SLCO4A1: variants seen among roughly 807,000 people sequenced by gnomAD.
The protein encoded by SLCO4A1 is colon organic anion transporter.
In SLCO4A1, 51 loss-of-function variants were observed where a neutral mutation model predicts 64.6. The observed-to-expected ratio is 0.79, with a 90% CI of 0.63 to 1.00. The LOEUF is 1.00. SLCO4A1 is among the 50% of genes least tolerant of loss of function. The pLI is 0.00. For synonymous variants in SLCO4A1, 471 were observed against 444.9 expected (o/e 1.06, Z -0.74); for missense variants, 919 against 980.5 (o/e 0.94, Z 0.84).
chr20:62,674,147 G>A (rs1437354362), downstream of SLCO4A1, among the ~76,000 whole-genome samples: 3 of 152,212 alleles, frequency 2.0e-5, no homozygotes, highest in South Asian at 2.1e-4. Context: ...TCAGAGCTAC[G>A]TCCCGTGGTC....
chr20:62,682,214 G>A (rs1987866232), intron 2 of SLCO4A1, among the ~76,000 whole-genome samples: 2 of 152,224 alleles, frequency 1.3e-5, no homozygotes, highest in African/African-American at 2.4e-5. Context: ...ATGGAGAAGG[G>A]GGTGCACCTG....
chr20:62,667,380 G>A, intron 7 of SLCO4A1: 1 of 232,228 alleles, frequency 4.3e-6, no homozygotes, highest in Non-Finnish European at 8.5e-6. Flanking sequence ...ACTGGGGTGG[G>A]GCTGGGGCCA....
chr20:62,649,474 T>C (rs1297353094), intron 1 of SLCO4A1: 1 of 152,326 alleles, frequency 6.6e-6, no homozygotes, highest in Non-Finnish European at 1.5e-5. Flanking sequence ...ACAGTGCTCT[T>C]GGCCCTGACC....
intron 5 of SLCO4A1, chr20:62,663,403 G>T (rs554103171): frequency 6.6e-6 from 1 of 152,230 alleles, no homozygotes; most frequent in Non-Finnish European, 1.5e-5. Flanking sequence ...ATGTGAGGCC[G>T]ACAGTCTGCT....
intron 4 of SLCO4A1, 94 bp from the exon 5 acceptor site, chr20:62,660,970 G>C: frequency 1.2e-6 from 1 of 844,680 alleles, no homozygotes; most frequent in Non-Finnish European, 1.9e-6. Flanking sequence ...CCAGACCGGG[G>C]AGGGGCAGAG....
In SLCO4A1 at chr20:62,642,870, G is replaced by T. The variant is rs780589918; in HGVS notation, c.-97+317G>T. 1.5e-3 allele frequency: 508 copies of T among 347,162 alleles called. 3 individuals are homozygous for T. Among genetic ancestry groups the T allele is most frequent in the Non-Finnish European group, 9.3e-4 (159 of 171,752 alleles). 21.5% of individuals were successfully genotyped at this position (347,162 alleles called of 1,614,324 possible). ...GCCGGGGGGAAGCGGGTGAGCAGGG[G>T]CTGCGGCCCTGGCAGGGACTGTCGG... On this transcript the variant is annotated intron_variant, in intron 1 of 11. Transcript: ENST00000217159.
intron 1 of SLCO4A1, among the ~76,000 whole-genome samples, chr20:62,643,598 A>G (rs1980796823): frequency 6.6e-6 from 1 of 152,252 alleles, no homozygotes; most frequent in Non-Finnish European, 1.5e-5. Context: ...CCAGCTTGTC[A>G]GCTGCTGCTC....
chr20:62,667,774 C>A lies in SLCO4A1; in HGVS notation c.1502C>A (p.Thr501Lys). The change falls in exon 8 of 12, where the codon ACG becomes AAG. Residue 501 changes from threonine to lysine, a missense_variant. Coordinates refer to ENST00000217159, the MANE Select transcript of SLCO4A1 (RefSeq NM_016354.4). ...CTGCCCGAAGGCCACCTGAACCTAACGGCTCCCTGCAACGCTGCCTGCAGC... is the reference window on the plus strand; with the variant it reads ...CTGCCCGAAGGCCACCTGAACCTAAAGGCTCCCTGCAACGCTGCCTGCAGC... The part of the protein sequence containing the change: ...SLLPEGHLNL[T>K]APCNAACSCQ... The A allele has an allele frequency of 6.2e-7, 1 of 1,610,910 alleles. No individual in the cohort carries two copies.
At chr20:62,660,673 C>T in intron 4 of SLCO4A1, 140 bp downstream of exon 4, 1 of 1,109,334 alleles carries the variant, frequency 9.0e-7, no homozygotes, top group Admixed American at 1.9e-5. Context: ...CAGTGTTCTT[C>T]CCATCTGGGT....
chr20:62,656,834 T>G lies in SLCO4A1; in HGVS notation c.380T>G (p.Val127Gly), dbSNP rs758922720. The change falls in exon 2 of 12, where the codon GTC (valine) becomes GGC (glycine). Residue 127 changes from valine to glycine, a missense_variant. Transcript: ENST00000217159. ...ACTGTGAATGGCTTCATCAACACAG[T>G]CATCACCTCCCTGGAGCGCCGCTAT... The part of the protein sequence containing the change: ...GMTVNGFINT[V>G]ITSLERRYDL... The G allele has an allele frequency of 6.2e-7, 1 of 1,611,902 alleles. No individual in the cohort carries two copies. The highest frequency in any genetic ancestry group is 2.2e-5 in the East Asian group (1 of 44,822).
chr20:62,650,628 CAT>C (rs1419424527), intron 1 of SLCO4A1: 7 of 152,316 alleles, frequency 4.6e-5, no homozygotes, highest in African/African-American at 1.7e-4. Flanking sequence ...AGGAAAGCAA[CAT>C]GTGAGTGGCG....
rs1981101938 is a variant in SLCO4A1, at chr20:62,645,299, T to A, written c.-97+2746T>A. Among the ~76,000 whole-genome samples the A allele has an allele frequency of 6.6e-6, 1 of 152,072 alleles. No individual in the cohort carries two copies. The highest frequency in any genetic ancestry group is 2.1e-4 in the South Asian group (1 of 4,816). On this transcript the variant is annotated intron_variant, in intron 1 of 11. Transcript: ENST00000217159. The surrounding 1 kb of genome is among the most constrained non-coding windows in gnomAD (Gnocchi z 4.2). ...CCTGCCAGGGGTGTGAGGAGGAAACTGGCCCTGCTGCTGGGACAACAGACT... is the reference window on the plus strand; with the variant it reads ...CCTGCCAGGGGTGTGAGGAGGAAACAGGCCCTGCTGCTGGGACAACAGACT...
chr20:62,688,946 T>C (rs1205810372), downstream of SLCO4A1, among the ~76,000 whole-genome samples: 1 of 152,206 alleles, frequency 6.6e-6, no homozygotes, highest in Non-Finnish European at 1.5e-5. Context: ...AAGCACAGCT[T>C]TCTAGAAGCT....
chr20:62,687,133 C>G (rs1184695179), downstream of SLCO4A1, among the ~76,000 whole-genome samples: 1 of 149,204 alleles, frequency 6.7e-6, no homozygotes, highest in African/African-American at 2.5e-5. Context: ...CAAACAGGCA[C>G]GATGGGTGGG....
rs867801593 is a variant in SLCO4A1 at position 62,668,194 on chromosome 20, G to C, written c.1811+10G>C. 6.2e-7 allele frequency: 1 copy of C among 1,613,666 alleles called. No homozygotes were observed. The highest frequency in any genetic ancestry group is 1.6e-4 in the Middle Eastern group (1 of 6,062). On this transcript the variant is annotated intron_variant, in intron 9 of 11. Transcript: ENST00000217159. ...TAACGGCAACTCTACGGTAAGCTGGGGTCGGGTGTGCGCTTGTCCAGAGCT... is the reference window on the plus strand; with the variant it reads ...TAACGGCAACTCTACGGTAAGCTGGCGTCGGGTGTGCGCTTGTCCAGAGCT...
chr20:62,656,040 C>T (rs1983651904), intron 1 of SLCO4A1, among the ~76,000 whole-genome samples: 1 of 152,232 alleles, frequency 6.6e-6, no homozygotes, highest in African/African-American at 2.4e-5. Flanking sequence ...TCTCAGTAGG[C>T]CTTGCCCCCG....
chr20:62,646,440 C>T (rs538186701), intron 1 of SLCO4A1, among the ~76,000 whole-genome samples: 1 of 152,380 alleles, frequency 6.6e-6, no homozygotes, highest in African/African-American at 2.4e-5. Flanking sequence ...AAGGGGTCCC[C>T]CCACATGCAG....
intron 1 of SLCO4A1, among the ~76,000 whole-genome samples, chr20:62,654,518 A>G (rs1277346781): frequency 6.6e-6 from 1 of 152,168 alleles, no homozygotes; most frequent in Non-Finnish European, 1.5e-5. Flanking sequence ...ATCTCCGTGC[A>G]TCTCTGCGCG....
downstream of SLCO4A1, among the ~76,000 whole-genome samples, chr20:62,688,569 C>G (rs1006152306): frequency 1.3e-5 from 2 of 152,236 alleles, no homozygotes; most frequent in Non-Finnish European, 2.9e-5. Context: ...GTAAGAGCAG[C>G]AGCTCAGGCT....
Sources: gnomAD v4.1 joint callset for allele counts (sites outside exome capture counted in the v4.1 genomes callset) on GRCh38, gnomAD v4.1.1 for gene constraint, Gnocchi (gnomAD v3.1) non-coding constraint, MANE v1.5 for transcripts, NCBI Gene and HGNC (gene_info 2026-07-23, HGNC 2026-07-21) for gene names.